Variants in SCLT1 observed in about 807,000 individuals in gnomAD.
SCLT1 encodes sodium channel and clathrin linker 1.
In SCLT1, 78 loss-of-function variants were observed where a neutral mutation model predicts 112.8. The observed-to-expected ratio is 0.69, with a 90% CI of 0.58 to 0.83. SCLT1 has a LOEUF of 0.83. SCLT1 is among the 40% of genes least tolerant of loss of function. The pLI is 0.00. For missense variants in SCLT1, 747 were observed against 770.4 expected, an observed-to-expected ratio of 0.97 and a Z score of 0.36; for synonymous variants, 257 against 254.7, an observed-to-expected ratio of 1.01 and a Z score of -0.09.
chr4:128,925,544 G>A (rs1579394522), intron 18 of SCLT1, among the ~76,000 whole-genome samples: 3 of 151,932 alleles, frequency 2.0e-5, no homozygotes, highest in South Asian at 2.1e-4. Context: ...GGCTGGTCTC[G>A]AACTCCTGAC....
chr4:128,892,276 TGTGA>T (rs1252841323), intron 18 of SCLT1, among the ~76,000 whole-genome samples: 1 of 152,230 alleles, frequency 6.6e-6, no homozygotes, highest in African/African-American at 2.4e-5. Flanking sequence ...CAGATAAATT[TGTGA>T]GTATTACATA....
At chr4:128,970,535 A>ACCACTAAG in intron 9 of SCLT1, 67 bp from the exon 10 acceptor site, 1 of 873,522 alleles carries the variant, frequency 1.1e-6, no homozygotes, top group Non-Finnish European at 1.9e-6. Context: ...ATTAGAATAG[A>ACCACTAAG]AATCTGAATT....
At chr4:128,937,320 C>A (rs1362076784) in intron 17 of SCLT1, among the ~76,000 whole-genome samples, 5 of 151,150 alleles carry the variant, frequency 3.3e-5, no homozygotes, top group Non-Finnish European at 5.9e-5. Context: ...ATTAAGTTTA[C>A]AATTGGTCTT....
At chr4:128,889,581 T>C (rs1177370002) in intron 19 of SCLT1, among the ~76,000 whole-genome samples, 1 of 152,212 alleles carries the variant, frequency 6.6e-6, no homozygotes, top group Non-Finnish European at 1.5e-5. Context: ...AGCCACCCAG[T>C]TTCTAATACT....
chr4:128,874,587 A>G (rs1192036284), intron 4 of SCLT1: 3 of 152,618 alleles, frequency 2.0e-5, no homozygotes, highest in Non-Finnish European at 2.9e-5. Context: ...ATGCAAATGG[A>G]TAGAGCACGG....
intron 2 of SCLT1, among the ~76,000 whole-genome samples, chr4:129,060,668 T>C (rs1749883747): frequency 6.6e-6 from 1 of 152,132 alleles, no homozygotes; most frequent in Non-Finnish European, 1.5e-5. Flanking sequence ...GTATGGATTG[T>C]TAATTTTCTT....
chr4:129,087,757 A>T (rs1752518495), intron 1 of SCLT1, among the ~76,000 whole-genome samples: 7 of 31,820 alleles, frequency 2.2e-4, no homozygotes, highest in Admixed American at 1.9e-3. Context: ...GCGCAAGTTA[A>T]AAAAAAAAAA....
intron 18 of SCLT1, among the ~76,000 whole-genome samples, chr4:128,918,743 CA>C (rs1735659473): frequency 6.6e-6 from 1 of 151,914 alleles, no homozygotes; most frequent in African/African-American, 2.4e-5. Context: ...AGAGAAAAAC[CA>C]AATGGAAAAC....
chr4:129,060,393 C>G (rs544716098), intron 2 of SCLT1, among the ~76,000 whole-genome samples: 2 of 152,168 alleles, frequency 1.3e-5, no homozygotes, highest in East Asian at 3.9e-4. Context: ...TATTCCCTTC[C>G]TTTTTCATGT....
intron 18 of SCLT1, among the ~76,000 whole-genome samples, chr4:128,933,113 T>C (rs575739167): frequency 4.6e-5 from 7 of 152,232 alleles, no homozygotes; most frequent in Admixed American, 4.6e-4. Flanking sequence ...AAAATTTGTA[T>C]GGAACCACAA....
At chr4:128,914,493 C>T (rs1228635057) in intron 18 of SCLT1, among the ~76,000 whole-genome samples, 5 of 152,026 alleles carry the variant, frequency 3.3e-5, no homozygotes, top group African/African-American at 4.8e-5. Context: ...ATTGGACATA[C>T]ATGTGAAACC....
At chr4:128,921,220 TA>T (rs1480480239) in intron 18 of SCLT1, among the ~76,000 whole-genome samples, 1 of 152,198 alleles carries the variant, frequency 6.6e-6, no homozygotes, top group African/African-American at 2.4e-5. Flanking sequence ...AAAATGGTCA[TA>T]TTGCCCAAAG....
chr4:129,081,131 G>T (rs1218982000), intron 2 of SCLT1, among the ~76,000 whole-genome samples: 2 of 152,136 alleles, frequency 1.3e-5, no homozygotes, highest in African/African-American at 4.8e-5. Context: ...ATAAGTTAAA[G>T]ATCTTAAGTA....
intron 5 of SCLT1, among the ~76,000 whole-genome samples, chr4:129,017,300 G>A (rs1745078456): frequency 6.6e-6 from 1 of 151,910 alleles, no homozygotes; most frequent in Non-Finnish European, 1.5e-5. Flanking sequence ...ATTCCTGTTG[G>A]TTAATATATG....
chr4:129,072,887 A>G (rs990710778), intron 2 of SCLT1, among the ~76,000 whole-genome samples: 3 of 151,696 alleles, frequency 2.0e-5, no homozygotes, highest in African/African-American at 7.3e-5. Context: ...TTGTTTTGTC[A>G]TATTATCAGG....
chr4:129,004,870 T>C (rs949372629), intron 5 of SCLT1, among the ~76,000 whole-genome samples: 1 of 151,596 alleles, frequency 6.6e-6, no homozygotes, highest in Non-Finnish European at 1.5e-5. Context: ...GCTTGAAAAT[T>C]ATTCTCTAAT....
At chr4:128,899,929 C>A (rs1734127573) in intron 18 of SCLT1, among the ~76,000 whole-genome samples, 2 of 152,082 alleles carry the variant, frequency 1.3e-5, no homozygotes, top group Non-Finnish European at 1.5e-5. Flanking sequence ...TTCACAATTG[C>A]TTCAAAGAGA....
intron 5 of SCLT1, among the ~76,000 whole-genome samples, chr4:129,030,743 C>G (rs1746636563): frequency 6.6e-6 from 1 of 152,150 alleles, no homozygotes; most frequent in African/African-American, 2.4e-5. Context: ...CATACACCCT[C>G]CCAAGACTAA....
chr4:129,058,598 T>G (rs1749667766), intron 2 of SCLT1, among the ~76,000 whole-genome samples: 1 of 152,194 alleles, frequency 6.6e-6, no homozygotes. Context: ...TTTAATCGTT[T>G]TAATTTTGTT....
Sources: allele counts gnomAD v4.1 joint callset (sites outside exome capture counted in the v4.1 genomes callset), GRCh38; gene constraint gnomAD v4.1.1; transcripts MANE v1.5; gene names NCBI Gene and HGNC (gene_info 2026-07-23, HGNC 2026-07-21).